TJP1: variants seen among roughly 807,000 people sequenced by gnomAD.
TJP1 encodes tight junction protein ZO-1.
A neutral mutation model predicts 194.2 loss-of-function variants in TJP1; 43 were observed. That is an observed-to-expected ratio of 0.22 (90% CI 0.17 to 0.29). TJP1 has a LOEUF of 0.29. Among genes scored for constraint, TJP1 ranks in the 10% least tolerant of loss-of-function variants. The pLI is 1.00. For synonymous variants in TJP1, 801 were observed against 779.0 expected, an observed-to-expected ratio of 1.03 and a Z score of -0.47; for missense variants, 1,971 against 2,185.7, an observed-to-expected ratio of 0.90 and a Z score of 1.96.
intron 2 of TJP1, among the ~76,000 whole-genome samples, chr15:29,790,490 C>T (rs1003577214): frequency 2.0e-5 from 3 of 152,192 alleles, no homozygotes; most frequent in African/African-American, 4.8e-5. Context: ...ACGATTAAAT[C>T]AGGGTAACTG....
rs2041838608 is a variant in TJP1, at chr15:29,705,523, T to C, written c.5068+5A>G. 1 of 1,614,030 alleles carries C rather than the reference T, an allele frequency of 6.2e-7. No homozygotes were observed. The highest frequency in any genetic ancestry group is 8.5e-7 in the Non-Finnish European group (1 of 1,179,954). ...AAAACTAAGGAGAAAAATAAACACA[T>C]TTACCTTTCTCTTTATCTAAAGGTG... On this transcript the variant is annotated splice_donor_5th_base_variant and intron_variant, in intron 26 of 27. Transcript: ENST00000614355.
intron 1 of TJP1, among the ~76,000 whole-genome samples, chr15:29,961,376 C>T (rs2056155644): frequency 8.5e-6 from 1 of 117,600 alleles, no homozygotes; most frequent in South Asian, 2.7e-4. Flanking sequence ...GAGTCTCGCT[C>T]TGTCGCCCAG....
chr15:29,955,570 G>A (rs187887206), intron 2 of TJP1, among the ~76,000 whole-genome samples: 157 of 151,532 alleles, frequency 1.0e-3, no homozygotes, highest in African/African-American at 3.6e-3. Flanking sequence ...GGGCAACATA[G>A]TGAGACCCCA....
chr15:29,753,753 T>C (rs1045694041), intron 8 of TJP1, among the ~76,000 whole-genome samples: 4 of 150,884 alleles, frequency 2.7e-5, no homozygotes, highest in African/African-American at 9.8e-5. Flanking sequence ...GATTAACCAT[T>C]GAAATACTTA....
chr15:29,781,982 AAG>A (rs1349713496), intron 2 of TJP1, among the ~76,000 whole-genome samples: 1 of 152,208 alleles, frequency 6.6e-6, no homozygotes, highest in African/African-American at 2.4e-5. Context: ...GCAATTAGGT[AAG>A]AGAAAGAAAT....
chr15:29,789,469 C>A (rs532127969), intron 2 of TJP1, among the ~76,000 whole-genome samples: 2 of 152,042 alleles, frequency 1.3e-5, no homozygotes, highest in East Asian at 3.9e-4. Context: ...AATTCCAGGG[C>A]CCACAAGAGT....
intron 2 of TJP1, among the ~76,000 whole-genome samples, chr15:29,860,232 C>A (rs1487069533): frequency 6.6e-6 from 1 of 152,120 alleles, no homozygotes; most frequent in Non-Finnish European, 1.5e-5. Context: ...TTTCTCTCCC[C>A]CTGGAATCCT....
intron 2 of TJP1, among the ~76,000 whole-genome samples, chr15:29,873,704 G>C (rs1360878555): frequency 1.3e-5 from 2 of 152,138 alleles, no homozygotes; most frequent in African/African-American, 2.4e-5. Flanking sequence ...GACTCCACTT[G>C]CTCAGACTAG....
intron 9 of TJP1, among the ~76,000 whole-genome samples, chr15:29,741,983 G>C (rs1317577844): frequency 6.6e-6 from 1 of 151,982 alleles, no homozygotes; most frequent in African/African-American, 2.4e-5. Context: ...AACACACTAG[G>C]AAGCTGAGGT....
intron 2 of TJP1, among the ~76,000 whole-genome samples, chr15:29,833,873 A>T (rs1381953943): frequency 2.1e-3 from 38 of 18,150 alleles, no homozygotes; most frequent in South Asian, 5.0e-3. Context: ...ATATATATAT[A>T]TATATATATT....
chr15:29,732,685 C>A lies in TJP1; in HGVS notation c.1867G>T (p.Ala623Ser). Residue 623 changes from alanine (A) to serine (S), a missense_variant, in exon 14 of 28, where the codon GCT (alanine) becomes TCT (serine). Around this residue, in one of 5 missense-constraint regions of TJP1, gnomAD observed 402 missense variants for 484.2 expected, o/e 0.83. Transcript: ENST00000614355. ...GGAAACTTTGTTTGAACAGGCTGAG[C>A]GGACAAATCCTCTCTGCTTTTTCGA... ...NLRKSREDLS[A>S]QPVQTKFPAY... 6.2e-7 allele frequency: 1 copy of A among 1,614,132 alleles called. No homozygotes were observed. Among genetic ancestry groups the A allele is most frequent in the Middle Eastern group, 1.7e-4 (1 of 6,060 alleles).
chr15:29,800,346 A>C (rs1160071212), intron 2 of TJP1: 2 of 327,904 alleles, frequency 6.1e-6, no homozygotes, highest in African/African-American at 4.3e-5. Context: ...AGGTTGAAGC[A>C]GTTTATAATA....
At position 29,726,459 on chromosome 15, in the gene TJP1, T is replaced by C. The variant is rs998758912; in HGVS notation, c.2332A>G (p.Met778Val). 9 of 1,614,084 alleles carry C rather than the reference T, an allele frequency of 5.6e-6. No homozygotes were observed. The South Asian group carries it at 6.6e-5, about 12-fold the overall frequency. Residue 778 changes from methionine to valine, a missense_variant, in exon 18 of 28, where the codon ATG becomes GTG. Coordinates refer to ENST00000614355, the MANE Select transcript of TJP1 (RefSeq NM_001330239.4). ...AGCGCACCATACCAACCATCATTCA[T>C]TGAATTTAAGTTAATTGTAGCTGAA... ...LFTTTINLNS[M>V]NDGWYGALKE... is the part of the protein sequence containing the mutation.
rs1286870359 is a variant in TJP1, at chr15:29,720,015, T to C, written c.2765A>G (p.Lys922Arg). Residue 922 changes from lysine (K) to arginine (R), a missense_variant and splice_region_variant, in exon 20 of 28, where the codon AAA becomes AGA. By Grantham distance (26) the Lys-to-Arg change is conservative. Transcript: ENST00000614355. ...SPGFKPASQQ[K>R]AEASSPVPYL... The stretch of plus-strand genomic sequence containing the variant: ...AGGGACTGGAGATGAAGCTTCTGCT[T>C]TCTGTGAAGTGTTTAAAATATTTTA... The C allele has an allele frequency of 6.9e-6, 11 of 1,598,114 alleles. No individual in the cohort carries two copies. Among genetic ancestry groups the C allele is most frequent in the African/African-American group, 1.4e-5 (1 of 73,772 alleles).
chr15:29,741,307 A>C, intron 10 of TJP1, 24 bp downstream of exon 10: 1 of 1,529,478 alleles, frequency 6.5e-7, no homozygotes, highest in Non-Finnish European at 8.9e-7. Flanking sequence ...CAAAGAAAAC[A>C]ATACAACTTT....
At chr15:29,841,056 TG>T (rs2051206738) in intron 2 of TJP1, among the ~76,000 whole-genome samples, 1 of 152,134 alleles carries the variant, frequency 6.6e-6, no homozygotes, top group Non-Finnish European at 1.5e-5. Flanking sequence ...GTTTGAGGGC[TG>T]CTCTTCTAAA....
At chr15:29,958,896 T>C (rs2056049633) in intron 1 of TJP1, among the ~76,000 whole-genome samples, 1 of 136,660 alleles carries the variant, frequency 7.3e-6, no homozygotes, top group Non-Finnish European at 1.6e-5. Context: ...AACTTACTTC[T>C]CCAGATTGCA....
chr15:29,917,470 A>G (rs2054223699), intron 2 of TJP1, among the ~76,000 whole-genome samples: 1 of 152,220 alleles, frequency 6.6e-6, no homozygotes, highest in Admixed American at 6.5e-5. Context: ...GAAAAGATCC[A>G]AGTGAACAAG....
chr15:29,939,862 G>A (rs1435087447), intron 2 of TJP1, among the ~76,000 whole-genome samples: 1 of 152,122 alleles, frequency 6.6e-6, no homozygotes, highest in Non-Finnish European at 1.5e-5. Flanking sequence ...CCAAATCTGC[G>A]ATGGCCTGAT....
Sources: allele counts gnomAD v4.1 joint callset (sites outside exome capture counted in the v4.1 genomes callset), GRCh38; gene constraint gnomAD v4.1.1; regional missense constraint gnomAD v4.1.1; transcripts MANE v1.5; gene names NCBI Gene and HGNC (gene_info 2026-07-23, HGNC 2026-07-21).